The following OR2L13 variants were observed in gnomAD, a reference collection of about 807,000 sequenced individuals.
OR2L13 encodes olfactory receptor 2L13.
Under a neutral mutation model 15.3 loss-of-function variants are expected in OR2L13, and 14 were observed. That is an observed-to-expected ratio of 0.91 (90% CI 0.60 to 1.43). OR2L13 has a LOEUF of 1.43. OR2L13 is among the 40% of genes most tolerant of loss of function. The probability of loss-of-function intolerance (pLI) is 0.00; values close to 1 mark genes in which losing one functional copy is unlikely to be tolerated. For missense variants in OR2L13, 367 were observed against 387.9 expected (o/e 0.95, Z 0.45); for synonymous variants, 152 against 142.9 (o/e 1.06, Z -0.45).
chr1:247,984,825 C>G, the OR2L13 span, among the ~76,000 whole-genome samples: 1 of 152,076 alleles, frequency 6.6e-6, no homozygotes, highest in Non-Finnish European at 1.5e-5. Context: ...CCCCACCATG[C>G]ATCTCCAGAA....
At chr1:248,099,027 TTCTA>T (rs998352846) in intron 2 of OR2L13, among the ~76,000 whole-genome samples, 30 of 152,350 alleles carry the variant, frequency 2.0e-4, no homozygotes, top group African/African-American at 7.0e-4. Flanking sequence ...AATTGTGTTG[TTCTA>T]TCTAATTAAA....
the OR2L13 span, among the ~76,000 whole-genome samples, chr1:248,016,261 G>A: frequency 6.6e-6 from 1 of 152,172 alleles, no homozygotes; most frequent in Non-Finnish European, 1.5e-5. Flanking sequence ...TAATTATTAT[G>A]CTGAATATGT....
chr1:248,070,789 T>G, the OR2L13 span, among the ~76,000 whole-genome samples: 1 of 151,998 alleles, frequency 6.6e-6, no homozygotes, highest in Non-Finnish European at 1.5e-5. Context: ...AATGATAAAG[T>G]GGATATCACC....
the OR2L13 span, among the ~76,000 whole-genome samples, chr1:247,977,083 A>C: frequency 6.6e-6 from 1 of 152,178 alleles, no homozygotes; most frequent in Non-Finnish European, 1.5e-5. Flanking sequence ...AATGTATTGT[A>C]ATAATCTCTT....
chr1:248,099,899 AT>A lies in OR2L13; in HGVS notation c.527del (p.Phe176SerfsTer25), dbSNP rs769602443. On this transcript the variant is annotated frameshift_variant, in exon 3 of 3. Coordinates refer to ENST00000641714, the Ensembl canonical transcript of OR2L13. LOFTEE classifies it high-confidence loss of function. The stretch of plus-strand genomic sequence containing the variant: ...TACTGCAGGTCTAGGGCTATTGACC[AT>A]TTCTTCTGCGATGTCCCAGCCATGT... 9 of 1,614,010 alleles carry A rather than the reference AT, an allele frequency of 5.6e-6. No individual in the cohort carries two copies. Among genetic ancestry groups the A allele is most frequent in the Non-Finnish European group, 5.1e-6 (6 of 1,179,992 alleles).
the OR2L13 span, among the ~76,000 whole-genome samples, chr1:248,013,276 TA>T: frequency 1.3e-5 from 2 of 152,098 alleles, no homozygotes; most frequent in Admixed American, 6.6e-5. Flanking sequence ...AATAACAACA[TA>T]AAAAGTGTAG....
the OR2L13 span, chr1:248,003,785 C>T: frequency 1.1e-4 from 174 of 1,613,746 alleles, no homozygotes; most frequent in East Asian, 5.3e-4. Flanking sequence ...TTCCTATGGC[C>T]GGGTTCTCCT....
At chr1:248,047,339 C>T in the OR2L13 span, among the ~76,000 whole-genome samples, 15 of 152,028 alleles carry the variant, frequency 9.9e-5, no homozygotes, top group South Asian at 3.1e-3. Context: ...TGTATTTTAC[C>T]TTATATGAAT....
the OR2L13 span, among the ~76,000 whole-genome samples, chr1:247,994,168 G>T: frequency 6.6e-6 from 1 of 152,084 alleles, no homozygotes; most frequent in Admixed American, 6.6e-5. Context: ...AGGCCGAGGC[G>T]GGCGGATCAC....
the OR2L13 span, among the ~76,000 whole-genome samples, chr1:248,048,987 A>G: frequency 6.7e-6 from 1 of 148,326 alleles, no homozygotes; most frequent in Non-Finnish European, 1.5e-5. Flanking sequence ...TACCAACTTT[A>G]AGGAGACCAG....
chr1:248,017,878 A>G, the OR2L13 span, among the ~76,000 whole-genome samples: 1 of 152,164 alleles, frequency 6.6e-6, no homozygotes, highest in Non-Finnish European at 1.5e-5. Context: ...AGTAAAGGAT[A>G]TATTTGCATT....
chr1:247,943,793 C>T, the OR2L13 span, among the ~76,000 whole-genome samples: 2 of 152,196 alleles, frequency 1.3e-5, no homozygotes, highest in African/African-American at 4.8e-5. Context: ...GACATTTCCC[C>T]CAACTATTCT....
At chr1:248,030,016 C>T in the OR2L13 span, 1 of 152,132 alleles carries the variant, frequency 6.6e-6, no homozygotes, top group Admixed American at 6.6e-5. Context: ...AACTGTTAAT[C>T]TCATTCTCCA....
the OR2L13 span, among the ~76,000 whole-genome samples, chr1:248,064,275 G>A: frequency 1.3e-5 from 2 of 152,130 alleles, no homozygotes; most frequent in African/African-American, 4.8e-5. Context: ...TTCTAAAGGA[G>A]GCTCAGGGGA....
At chr1:247,991,897 ACT>A in the OR2L13 span, among the ~76,000 whole-genome samples, 1 of 149,344 alleles carries the variant, frequency 6.7e-6, no homozygotes. Flanking sequence ...TTCCTGAGAA[ACT>A]CTTTAATCTC....
chr1:247,993,408 G>T, the OR2L13 span, among the ~76,000 whole-genome samples: 9 of 138,176 alleles, frequency 6.5e-5, no homozygotes, highest in African/African-American at 1.1e-4. Flanking sequence ...ATTTTGTTTT[G>T]TTGCTATTGT....
the OR2L13 span, chr1:248,038,229 C>A: frequency 7.3e-7 from 1 of 1,371,834 alleles, no homozygotes; most frequent in African/African-American, 1.4e-5. Flanking sequence ...CTTAATTTAC[C>A]CTTTTGTCTC....
chr1:248,077,766 T>G, the OR2L13 span, among the ~76,000 whole-genome samples: 5 of 152,174 alleles, frequency 3.3e-5, no homozygotes, highest in Non-Finnish European at 7.4e-5. Flanking sequence ...CACAGCTCTG[T>G]CAAAGGACTT....
the OR2L13 span, among the ~76,000 whole-genome samples, chr1:247,952,634 T>C: frequency 6.6e-6 from 1 of 152,182 alleles, no homozygotes. Flanking sequence ...ATGTTTCTGT[T>C]GTTTATAGGT....
Sources: allele counts gnomAD v4.1 joint callset (sites outside exome capture counted in the v4.1 genomes callset), GRCh38; gene constraint gnomAD v4.1.1; transcripts MANE v1.5; gene names NCBI Gene and HGNC (gene_info 2026-07-23, HGNC 2026-07-21).